The following ZNF148 variants were observed in gnomAD, a reference collection of about 807,000 sequenced individuals.
The protein encoded by ZNF148 is Beta-Enolase Repressor Factor-1.
In ZNF148, 7 loss-of-function variants were observed where a neutral mutation model predicts 67.7. The ratio of observed to expected loss-of-function variants is 0.10; its 90% CI spans 0.06 to 0.19. The LOEUF is 0.19. Ranked by LOEUF, ZNF148 falls within the 10% of genes least tolerant of loss-of-function variation. The pLI is 1.00. For missense variants in ZNF148, 583 were observed against 947.1 expected (o/e 0.62, Z 5.05); for synonymous variants, 333 against 330.7 (o/e 1.01, Z -0.08).
intron 6 of ZNF148, among the ~76,000 whole-genome samples, chr3:125,278,346 G>A (rs1938186224): frequency 6.6e-6 from 1 of 152,004 alleles, no homozygotes; most frequent in African/African-American, 2.4e-5. Flanking sequence ...TCTATGCTGA[G>A]AAACCTTGTT....
intron 7 of ZNF148, among the ~76,000 whole-genome samples, chr3:125,268,797 T>A (rs1438535123): frequency 6.6e-6 from 1 of 151,990 alleles, no homozygotes; most frequent in Admixed American, 6.5e-5. Flanking sequence ...CTAGGCAACA[T>A]GGCAAGACCT....
rs1935843818 is a variant in ZNF148 at position 125,231,294 on chromosome 3, T to C, written c.*1047A>G. 1 of 152,500 alleles carries C rather than the reference T, an allele frequency of 6.6e-6. No individual in the cohort carries two copies. The highest frequency in any genetic ancestry group is 1.5e-5 in the Non-Finnish European group (1 of 67,956). The allele number at this position is 152,500 out of a possible 1,614,324, so 9.4% of individuals were successfully genotyped here. A position where few individuals can be genotyped will look rare whatever the true frequency, so the allele number is the denominator to read the frequency against. ...TTTTACAGTTCCAAAGATATCCCAA[T>C]TTCCTTTTATTGCCAAAAGTTAAAA... On this transcript the variant is annotated 3_prime_UTR_variant, in exon 9 of 9. Transcript: ENST00000360647.
intron 1 of ZNF148, among the ~76,000 whole-genome samples, chr3:125,338,226 T>C (rs1941573984): frequency 6.6e-6 from 1 of 152,162 alleles, no homozygotes; most frequent in Non-Finnish European, 1.5e-5. Context: ...CTTAGCAATA[T>C]TCTAGGAGTC....
At chr3:125,343,044 C>T (rs560499869) in intron 1 of ZNF148, among the ~76,000 whole-genome samples, 14 of 152,326 alleles carry the variant, frequency 9.2e-5, no homozygotes, top group African/African-American at 2.4e-4. Flanking sequence ...CAAACATTCA[C>T]GCACTACCAG....
At chr3:125,256,967 G>GTTT (rs10576530) in intron 7 of ZNF148, among the ~76,000 whole-genome samples, 13 of 108,118 alleles carry the variant, frequency 1.2e-4, no homozygotes, top group African/African-American at 4.0e-4. Context: ...AGAACTTCCA[G>GTTT]TTTTTTTTTT....
chr3:125,347,199 C>CTAAA (rs1472218304), intron 1 of ZNF148, among the ~76,000 whole-genome samples: 2 of 152,054 alleles, frequency 1.3e-5, no homozygotes, highest in Non-Finnish European at 2.9e-5. Flanking sequence ...TAACAAAGAC[C>CTAAA]TAAACAAACA....
chr3:125,279,547 G>GGGT (rs1938263976), intron 5 of ZNF148, among the ~76,000 whole-genome samples: 1 of 152,064 alleles, frequency 6.6e-6, no homozygotes, highest in African/African-American at 2.4e-5. Flanking sequence ...TCTTCAGTTA[G>GGGT]GGTGAACACA....
At chr3:125,273,616 C>T (rs1937880521) in intron 7 of ZNF148, among the ~76,000 whole-genome samples, 2 of 151,858 alleles carry the variant, frequency 1.3e-5, no homozygotes, top group African/African-American at 4.8e-5. Context: ...GCCTCAGCCT[C>T]CCGAGTAGCT....
At chr3:125,303,350 T>TG (rs1471485623) in intron 4 of ZNF148, among the ~76,000 whole-genome samples, 1 of 152,184 alleles carries the variant, frequency 6.6e-6, no homozygotes, top group East Asian at 1.9e-4. Flanking sequence ...TCCCAGGCCG[T>TG]GGACCAGCAC....
At chr3:125,271,266 C>T (rs577746695) in intron 7 of ZNF148, among the ~76,000 whole-genome samples, 1 of 152,240 alleles carries the variant, frequency 6.6e-6, no homozygotes, top group South Asian at 2.1e-4. Flanking sequence ...ATCTCCTCAC[C>T]CCCACTCTCC....
chr3:125,313,250 T>C (rs1940314057), intron 4 of ZNF148, 58 bp downstream of exon 4: 2 of 1,416,944 alleles, frequency 1.4e-6, no homozygotes, highest in East Asian at 2.3e-5. Context: ...TGACTTGCAG[T>C]ATTACGTAAC....
intron 1 of ZNF148, among the ~76,000 whole-genome samples, chr3:125,353,918 C>G (rs1427461299): frequency 3.3e-5 from 5 of 151,774 alleles, no homozygotes; most frequent in Non-Finnish European, 7.4e-5. Flanking sequence ...TATATAGAAA[C>G]TAAAAAAAGA....
Position 125,232,534 on chromosome 3 carries a change from T to A in ZNF148, c.2192A>T (p.Gln731Leu). 1 of 1,613,712 alleles carries A rather than the reference T, an allele frequency of 6.2e-7. No individual in the cohort carries two copies. Among genetic ancestry groups the A allele is most frequent in the Non-Finnish European group, 8.5e-7 (1 of 1,179,740 alleles). The change falls in exon 9 of 9, where the codon CAG becomes CTG. Residue 731 changes from glutamine to leucine, a missense_variant. By Grantham distance (113) the Gln-to-Leu change is moderately radical. Coordinates refer to ENST00000360647, the MANE Select transcript of ZNF148 (RefSeq NM_021964.3). This position sits in a 1 kb window ranked among gnomAD's most constrained non-coding sequence, Gnocchi z 4.2. ...HQAYQMSSFE[Q>L]PFRAPYHGSR... Reference sequence around the variant, plus strand: ...TCCATGATAGGGAGCACGGAAGGGCTGTTCAAAGGAGCTCATTTGGTAAGC... The same window carrying A: ...TCCATGATAGGGAGCACGGAAGGGCAGTTCAAAGGAGCTCATTTGGTAAGC...
intron 4 of ZNF148, among the ~76,000 whole-genome samples, chr3:125,311,679 T>A (rs1282779929): frequency 6.6e-6 from 1 of 151,962 alleles, no homozygotes; most frequent in Non-Finnish European, 1.5e-5. Flanking sequence ...GTTAAGACAG[T>A]AATTTTTTTA....
rs1211904901 is a variant in ZNF148, at chr3:125,313,675, C to A, written c.-16-19G>T. Reference sequence around the variant, plus strand: ...TAACTGCCTAGAAAACCAAGTTTGGCAACAAAACATAGTAAATTAGTTTTA... The same window carrying A: ...TAACTGCCTAGAAAACCAAGTTTGGAAACAAAACATAGTAAATTAGTTTTA... On this transcript the variant is annotated intron_variant, in intron 3 of 8. Transcript: ENST00000360647. 6.4e-7 allele frequency: 1 copy of A among 1,566,996 alleles called. No homozygotes were observed. Among genetic ancestry groups the A allele is most frequent in the South Asian group, 1.2e-5 (1 of 86,700 alleles).
Position 125,232,969 on chromosome 3 carries a change from T to C in ZNF148, c.1757A>G (p.Asn586Ser). 1 of 1,613,866 alleles carries C rather than the reference T, an allele frequency of 6.2e-7. No homozygotes were observed. The highest frequency in any genetic ancestry group is 8.5e-7 in the Non-Finnish European group (1 of 1,179,826). ...SEVPEVTPSENVGSSSQASSS... is the reference protein window; with the variant it reads ...SEVPEVTPSESVGSSSQASSS... ...GGATGCTTGGGAGCTTGATCCAACATTCTCTGACGGGGTGACCTCTGGTAC... is the reference window on the plus strand; with the variant it reads ...GGATGCTTGGGAGCTTGATCCAACACTCTCTGACGGGGTGACCTCTGGTAC... The change falls in exon 9 of 9, where the codon AAT becomes AGT. Residue 586 changes from asparagine (N) to serine (S), a missense_variant. Asn to Ser is a conservative substitution (Grantham distance 46). This residue lies in a region of ZNF148 where 172 missense variants were observed against 307.7 expected (regional missense o/e 0.56). Transcript: ENST00000360647. The surrounding 1 kb of genome is among the most constrained non-coding windows in gnomAD (Gnocchi z 4.2).
intron 4 of ZNF148, among the ~76,000 whole-genome samples, chr3:125,294,142 G>A (rs1939165884): frequency 6.6e-6 from 1 of 152,048 alleles, no homozygotes; most frequent in South Asian, 2.1e-4. Flanking sequence ...CACCAGAGAA[G>A]CTCAAATTAA....
At chr3:125,326,389 T>G (rs535510096) in intron 2 of ZNF148, among the ~76,000 whole-genome samples, 1 of 151,582 alleles carries the variant, frequency 6.6e-6, no homozygotes, top group Non-Finnish European at 1.5e-5. Flanking sequence ...GAAGAGAAAA[T>G]GGACCTACAT....
At chr3:125,329,360 A>ATT (rs35838836) in intron 2 of ZNF148, among the ~76,000 whole-genome samples, 1 of 92,906 alleles carries the variant, frequency 1.1e-5, no homozygotes, top group East Asian at 4.4e-4. Flanking sequence ...CATATATAAA[A>ATT]TTTTTTTTTT....
Sources: gnomAD v4.1 joint callset for allele counts (sites outside exome capture counted in the v4.1 genomes callset) on GRCh38, gnomAD v4.1.1 for gene constraint, gnomAD v4.1.1 regional missense constraint, Gnocchi (gnomAD v3.1) non-coding constraint, MANE v1.5 for transcripts, NCBI Gene and HGNC (gene_info 2026-07-23, HGNC 2026-07-21) for gene names.